Variants in TMEM131L observed in about 807,000 individuals in gnomAD.
TMEM131L encodes transmembrane protein 131-like.
Under a neutral mutation model 192.2 loss-of-function variants are expected in TMEM131L, and 54 were observed. That is an observed-to-expected ratio of 0.28 (90% CI 0.23 to 0.35). The LOEUF is 0.35. TMEM131L is among the 10% of genes least tolerant of loss of function. The pLI is 1.00. For missense variants in TMEM131L, 1,888 were observed against 1,972.9 expected, an observed-to-expected ratio of 0.96 and a Z score of 0.82; for synonymous variants, 701 against 704.9, an observed-to-expected ratio of 0.99 and a Z score of 0.09.
At position 153,585,690 on chromosome 4, in the gene TMEM131L, T is replaced by C; in HGVS notation, c.1311+79T>C. 3 of 891,086 alleles carry C rather than the reference T, an allele frequency of 3.4e-6. No individual in the cohort carries two copies. The South Asian group carries it at 1.0e-4, about 30-fold the overall frequency. 55.2% of individuals were successfully genotyped at this position (891,086 alleles called of 1,614,324 possible). A position where few individuals can be genotyped will look rare whatever the true frequency, so the allele number is the denominator to read the frequency against. On this transcript the variant is annotated intron_variant, in intron 13 of 34. Transcript: ENST00000409959. The stretch of plus-strand genomic sequence containing the variant: ...GTCAGATGCTGTGAAATTATTTCTA[T>C]AAAATAATAAAAAATATTCCAAATG...
chr4:153,588,041 G>GTTT (rs60174380), intron 15 of TMEM131L, among the ~76,000 whole-genome samples: 1 of 122,158 alleles, frequency 8.2e-6, no homozygotes, highest in Non-Finnish European at 1.7e-5. Flanking sequence ...TTCCGCAAGG[G>GTTT]TTTTTTTTTT....
At chr4:153,617,264 C>T (rs1013110278) in intron 26 of TMEM131L, among the ~76,000 whole-genome samples, 1 of 152,182 alleles carries the variant, frequency 6.6e-6, no homozygotes, top group Non-Finnish European at 1.5e-5. Flanking sequence ...TGTGAGGCCT[C>T]CCTAGCCACA....
intron 1 of TMEM131L, among the ~76,000 whole-genome samples, 163 bp from the exon 2 acceptor site, chr4:153,467,048 T>A (rs1014405252): frequency 3.9e-5 from 6 of 151,906 alleles, no homozygotes; most frequent in African/African-American, 1.4e-4. Flanking sequence ...ACCCCACCCA[T>A]TGTATTTTTA....
At chr4:153,467,321 A>T (rs1730832857) in intron 2 of TMEM131L, 40 bp downstream of exon 2, 1 of 1,523,596 alleles carries the variant, frequency 6.6e-7, no homozygotes. Flanking sequence ...TGGGTGTACG[A>T]GGGAGGAGAG....
intron 19 of TMEM131L, 149 bp from the exon 20 acceptor site, chr4:153,596,109 C>G: frequency 1.2e-6 from 1 of 861,000 alleles, no homozygotes; most frequent in African/African-American, 1.7e-5. Context: ...AGTGAACTCT[C>G]AGGATAAGCA....
intron 3 of TMEM131L, among the ~76,000 whole-genome samples, chr4:153,480,517 CAAAAAAAAA>C (rs1157080931): frequency 3.9e-5 from 2 of 50,784 alleles, no homozygotes; most frequent in Non-Finnish European, 7.5e-5. Context: ...GACTCCATCT[CAAAAAAAAA>C]AAAAAAAAAA....
chr4:153,541,338 G>T (rs930495519), intron 3 of TMEM131L, among the ~76,000 whole-genome samples: 1 of 152,202 alleles, frequency 6.6e-6, no homozygotes, highest in Non-Finnish European at 1.5e-5. Flanking sequence ...AAAATTCTTT[G>T]AATTGGAGAG....
At chr4:153,504,892 A>G (rs1733882440) in intron 3 of TMEM131L, among the ~76,000 whole-genome samples, 1 of 152,136 alleles carries the variant, frequency 6.6e-6, no homozygotes. Flanking sequence ...TTGTTTTTTC[A>G]GAGTGACCAG....
At chr4:153,568,884 C>G (rs183983317) in intron 7 of TMEM131L, among the ~76,000 whole-genome samples, 179 of 152,316 alleles carry the variant, frequency 1.2e-3, no homozygotes, top group Admixed American at 2.2e-3. Flanking sequence ...GACATATTCT[C>G]CTGTATCAGC....
chr4:153,522,897 G>T (rs538183831), intron 3 of TMEM131L, among the ~76,000 whole-genome samples: 3 of 152,276 alleles, frequency 2.0e-5, no homozygotes, highest in Admixed American at 6.5e-5. Context: ...GTTGCTTGAA[G>T]CCCTGCCTTG....
chr4:153,491,483 TTTGTTGCTCTGTAATCATTCA>T (rs1202844286), intron 3 of TMEM131L, among the ~76,000 whole-genome samples: 1 of 152,202 alleles, frequency 6.6e-6, no homozygotes, highest in Admixed American at 6.5e-5. Context: ...ATCAGTTTTT[TTTGTTGCTCTGTAATCATTCA>T]TATGGTAAGA....
Position 153,604,324 on chromosome 4 carries a change from G to T in TMEM131L, c.3312G>T (p.Glu1104Asp). 1 of 1,614,134 alleles carries T rather than the reference G, an allele frequency of 6.2e-7. No individual in the cohort carries two copies. The highest frequency in any genetic ancestry group is 2.2e-5 in the East Asian group (1 of 44,882). ...ACACAGCCGAGTTCAAGGAACGGGA[G>T]CTCTGTCCACTGAAGACCTCCAAGA... ...SENTAEFKERELCPLKTSKKL... is the reference protein window; with the variant it reads ...SENTAEFKERDLCPLKTSKKL... Residue 1104 changes from glutamate (E) to aspartate (D), a missense_variant, in exon 25 of 35, where the codon GAG becomes GAT. Transcript: ENST00000409959.
Position 153,581,400 on chromosome 4 carries a change from A to T in TMEM131L, c.739-7A>T. 1 of 1,528,606 alleles carries T rather than the reference A, an allele frequency of 6.5e-7. No homozygotes were observed. The highest frequency in any genetic ancestry group is 8.8e-7 in the Non-Finnish European group (1 of 1,135,008). 94.7% of individuals were successfully genotyped at this position (1,528,606 alleles called of 1,614,324 possible). A position where few individuals can be genotyped will look rare whatever the true frequency, so the allele number is the denominator to read the frequency against. On this transcript the variant is annotated splice_region_variant and splice_polypyrimidine_tract_variant and intron_variant, in intron 8 of 34. Coordinates refer to ENST00000409959, the MANE Select transcript of TMEM131L (RefSeq NM_001131007.2). ...TTTTCCTTTTTTCCTCCTCCTTCCA[A>T]CCATAGGGTTGTTATCTGGAATCTG...
intron 3 of TMEM131L, among the ~76,000 whole-genome samples, chr4:153,494,790 C>G (rs963183717): frequency 6.6e-6 from 1 of 152,138 alleles, no homozygotes; most frequent in East Asian, 1.9e-4. Flanking sequence ...AACAGCTCTC[C>G]GTCGGGAGCG....
At chr4:153,515,382 A>C (rs1734659651) in intron 3 of TMEM131L, among the ~76,000 whole-genome samples, 1 of 152,172 alleles carries the variant, frequency 6.6e-6, no homozygotes, top group Non-Finnish European at 1.5e-5. Context: ...TATTTAGCTT[A>C]ATGTTTTCGG....
chr4:153,546,740 C>T (rs564963124), intron 3 of TMEM131L, among the ~76,000 whole-genome samples: 2 of 152,272 alleles, frequency 1.3e-5, no homozygotes, highest in Non-Finnish European at 2.9e-5. Context: ...CCAGCCTGAC[C>T]AACATGGAGA....
At chr4:153,574,269 A>T (rs1282584420) in intron 7 of TMEM131L, among the ~76,000 whole-genome samples, 2 of 152,176 alleles carry the variant, frequency 1.3e-5, no homozygotes, top group Non-Finnish European at 2.9e-5. Flanking sequence ...CTGGCAGTAT[A>T]GTTAGATTTT....
Position 153,603,443 on chromosome 4 carries a change from A to G in TMEM131L, c.2780A>G (p.His927Arg), listed in dbSNP as rs1399235284. 1 of 1,613,344 alleles carries G rather than the reference A, an allele frequency of 6.2e-7. No individual in the cohort carries two copies. The highest frequency in any genetic ancestry group is 8.5e-7 in the Non-Finnish European group (1 of 1,179,784). The change falls in exon 24 of 35, where the codon CAT (histidine) becomes CGT (arginine). Residue 927 changes from histidine (H) to arginine (R), a missense_variant. Transcript: ENST00000409959. Reference protein sequence around the residue: ...NNGPMDVISPHSYKSNCKNFL... With the variant: ...NNGPMDVISPRSYKSNCKNFL... ...GGTCCTATGGATGTAATCAGCCCCCATTCTTACAAGTAAGAATTCTTATAG... is the reference window on the plus strand; with the variant it reads ...GGTCCTATGGATGTAATCAGCCCCCGTTCTTACAAGTAAGAATTCTTATAG...
intron 3 of TMEM131L, among the ~76,000 whole-genome samples, chr4:153,497,944 C>G (rs887911104): frequency 6.6e-6 from 1 of 150,902 alleles, no homozygotes; most frequent in Non-Finnish European, 1.5e-5. Context: ...ATACACATCT[C>G]CTAGCTTCTA....
Sources: allele counts gnomAD v4.1 joint callset (sites outside exome capture counted in the v4.1 genomes callset), GRCh38; gene constraint gnomAD v4.1.1; transcripts MANE v1.5; gene names NCBI Gene and HGNC (gene_info 2026-07-23, HGNC 2026-07-21).